The following TMEM50A variants were observed in gnomAD, a reference collection of about 807,000 sequenced individuals.
TMEM50A encodes transmembrane protein 50A.
A neutral mutation model predicts 23.9 loss-of-function variants in TMEM50A; 8 were observed. The ratio of observed to expected loss-of-function variants is 0.33; its 90% CI spans 0.20 to 0.60. The LOEUF is 0.60. Among genes scored for constraint, TMEM50A ranks in the 20% least tolerant of loss-of-function variants. The pLI, the probability that TMEM50A is intolerant of heterozygous loss-of-function variation, is 0.81. For synonymous variants in TMEM50A, 55 were observed against 60.4 expected (o/e 0.91, Z 0.41); for missense variants, 178 against 192.7 (o/e 0.92, Z 0.45).
intron 1 of TMEM50A, among the ~76,000 whole-genome samples, chr1:25,339,671 C>T (rs1645146795): frequency 6.6e-6 from 1 of 152,194 alleles, no homozygotes; most frequent in Admixed American, 6.5e-5. Context: ...TCACTTGTCT[C>T]TCTACTAATG....
chr1:25,341,668 C>T (rs1283790644), intron 2 of TMEM50A, among the ~76,000 whole-genome samples: 3 of 151,898 alleles, frequency 2.0e-5, no homozygotes, highest in Admixed American at 6.6e-5. Flanking sequence ...CATGAGCCAC[C>T]GCACCAAGCC....
At chr1:25,353,380 T>C (rs1349112766) in intron 5 of TMEM50A, among the ~76,000 whole-genome samples, 1 of 152,168 alleles carries the variant, frequency 6.6e-6, no homozygotes, top group Admixed American at 6.5e-5. Context: ...CCTCCTGGGC[T>C]CAAGCCATCC....
In TMEM50A at chr1:25,352,969, C is replaced by G; in HGVS notation, c.362C>G (p.Ala121Gly). ...SMWILFGGYV[A>G]KEKDIVYPGI... ...TGGATTCTTTTTGGAGGTTATGTTG[C>G]TAAAGGTAAGAGAAAACATAGGTTA... The change falls in exon 5 of 7, where the codon GCT becomes GGT. Residue 121 changes from alanine (A) to glycine (G), a missense_variant. Transcript: ENST00000374358. The G allele has an allele frequency of 6.2e-7, 1 of 1,612,172 alleles. No individual in the cohort carries two copies. The highest frequency in any genetic ancestry group is 8.5e-7 in the Non-Finnish European group (1 of 1,179,228).
rs200762327 is a variant in TMEM50A at position 25,361,009 on chromosome 1, A to G, written c.*304A>G. The G allele has an allele frequency of 3.7e-4, 103 of 280,266 alleles. No individual in the cohort carries two copies. Among genetic ancestry groups the G allele is most frequent in the Non-Finnish European group, 5.2e-4 (77 of 147,690 alleles). 17.4% of individuals were successfully genotyped at this position (280,266 alleles called of 1,614,324 possible). A position where few individuals can be genotyped will look rare whatever the true frequency, so the allele number is the denominator to read the frequency against. On this transcript the variant is annotated 3_prime_UTR_variant, in exon 7 of 7. Transcript: ENST00000374358. Reference sequence around the variant, plus strand: ...TACAAAAGAAATTATGGATTTGTCAATGTAAGTATTTGTCATATCTGAGGT... The same window carrying G: ...TACAAAAGAAATTATGGATTTGTCAGTGTAAGTATTTGTCATATCTGAGGT...
Position 25,362,249 on chromosome 1 carries a change from T to C in TMEM50A, c.*1544T>C. 1.5e-6 allele frequency: 1 copy of C among 655,348 alleles called. No homozygotes were observed. Among genetic ancestry groups the C allele is most frequent in the Non-Finnish European group, 2.5e-6 (1 of 395,754 alleles). The allele number at this position is 655,348 out of a possible 1,614,324, so 40.6% of individuals were successfully genotyped here. The stretch of plus-strand genomic sequence containing the variant: ...GAGAAAGAATCTTAAGAATTGTCAA[T>C]AAAATTAACCCAAAACTTTAATAAT... On this transcript the variant is annotated 3_prime_UTR_variant, in exon 7 of 7. Coordinates refer to ENST00000374358, the MANE Select transcript of TMEM50A (RefSeq NM_014313.4).
In TMEM50A at chr1:25,361,194, A is replaced by C. The variant is rs1345456696; in HGVS notation, c.*489A>C. On this transcript the variant is annotated 3_prime_UTR_variant, in exon 7 of 7. Transcript: ENST00000374358. ...ATAATTGGTATTTACTTTTACCAAA[A>C]ATTCTGTGAACATGTAATGTAACTG... is the stretch of plus-strand genomic sequence containing the variant. 1 of 156,460 alleles carries C rather than the reference A, an allele frequency of 6.4e-6. No homozygotes were observed. The highest frequency in any genetic ancestry group is 2.4e-5 in the African/African-American group (1 of 41,464). The allele number at this position is 156,460 out of a possible 1,614,324, so 9.7% of individuals were successfully genotyped here.
chr1:25,359,521 AT>A (rs1436004773), intron 6 of TMEM50A, among the ~76,000 whole-genome samples: 2 of 150,868 alleles, frequency 1.3e-5, no homozygotes, highest in African/African-American at 4.9e-5. Flanking sequence ...AAAAAAAAAA[AT>A]CACAAAATAA....
At chr1:25,343,546 A>G (rs1360510108) in intron 3 of TMEM50A, among the ~76,000 whole-genome samples, 1 of 152,150 alleles carries the variant, frequency 6.6e-6, no homozygotes, top group African/African-American at 2.4e-5. Context: ...GGATGTCAAT[A>G]GGAGGGATAG....
At chr1:25,356,726 T>C in intron 5 of TMEM50A, 67 bp from the exon 6 acceptor site, 1 of 1,203,948 alleles carries the variant, frequency 8.3e-7, no homozygotes, top group South Asian at 1.4e-5. Context: ...AACTGGTATT[T>C]GCCAATATAT....
intron 3 of TMEM50A, among the ~76,000 whole-genome samples, chr1:25,348,395 A>T (rs545891866): frequency 4.1e-4 from 63 of 152,292 alleles, no homozygotes; most frequent in African/African-American, 1.5e-3. Context: ...AATTTTAAAA[A>T]TGTAGGGTAG....
chr1:25,357,803 A>AT (rs1371168379), intron 6 of TMEM50A, among the ~76,000 whole-genome samples: 19 of 147,488 alleles, frequency 1.3e-4, no homozygotes, highest in East Asian at 4.0e-4. Flanking sequence ...ACGCCTGGCT[A>AT]TTTTTTTTGT....
intron 3 of TMEM50A, among the ~76,000 whole-genome samples, chr1:25,350,342 CTT>C (rs1256766213): frequency 1.3e-5 from 2 of 152,094 alleles, no homozygotes; most frequent in Non-Finnish European, 2.9e-5. Flanking sequence ...GCAAAATTAT[CTT>C]TTTACCTGTT....
intron 1 of TMEM50A, chr1:25,338,678 G>A (rs2124226119): frequency 6.6e-6 from 1 of 152,354 alleles, no homozygotes; most frequent in South Asian, 2.1e-4. Context: ...AAGACGGAGA[G>A]GGGACCGCGC....
Position 25,359,963 on chromosome 1 carries a change from G to A in TMEM50A, c.429-697G>A, listed in dbSNP as rs910741781. 1.2e-4 allele frequency among the ~76,000 whole-genome samples: 18 copies of A among 152,194 alleles called. No homozygotes were observed. In the East Asian group the frequency reaches 3.1e-3, roughly 26 times the overall value. On this transcript the variant is annotated intron_variant, in intron 6 of 6. Coordinates refer to ENST00000374358, the MANE Select transcript of TMEM50A (RefSeq NM_014313.4). ...ACCACCCCCACACTTACCACATCAC[G>A]TTAGCAAGAATGAGAGCAATTTGAG...
At position 25,362,032 on chromosome 1, in the gene TMEM50A, G is replaced by C; in HGVS notation, c.*1327G>C. 1 of 248,746 alleles carries C rather than the reference G, an allele frequency of 4.0e-6. No homozygotes were observed. Among genetic ancestry groups the C allele is most frequent in the Non-Finnish European group, 7.9e-6 (1 of 127,186 alleles). 15.4% of individuals were successfully genotyped at this position (248,746 alleles called of 1,614,324 possible). On this transcript the variant is annotated 3_prime_UTR_variant, in exon 7 of 7. Coordinates refer to ENST00000374358, the MANE Select transcript of TMEM50A (RefSeq NM_014313.4). ...CAGTGCATCCCCCCACCCTACAACT[G>C]AGCACAACCTCTTTCCCCACAGTGC... is the stretch of plus-strand genomic sequence containing the variant.
intron 3 of TMEM50A, among the ~76,000 whole-genome samples, chr1:25,348,396 T>G (rs988273983): frequency 3.9e-5 from 6 of 152,154 alleles, no homozygotes; most frequent in Admixed American, 1.3e-4. Flanking sequence ...ATTTTAAAAA[T>G]GTAGGGTAGG....
chr1:25,344,562 T>G (rs1475216986), intron 3 of TMEM50A, among the ~76,000 whole-genome samples: 1 of 152,042 alleles, frequency 6.6e-6, no homozygotes. Context: ...TCTTCTTTAA[T>G]TAAGACGAGG....
chr1:25,356,721 G>T, intron 5 of TMEM50A, 72 bp from the exon 6 acceptor site: 2 of 1,134,002 alleles, frequency 1.8e-6, no homozygotes, highest in Non-Finnish European at 2.5e-6. Flanking sequence ...AGGAAAACTG[G>T]TATTTGCCAA....
At chr1:25,348,000 TG>T (rs773789282) in intron 3 of TMEM50A, among the ~76,000 whole-genome samples, 28 of 152,266 alleles carry the variant, frequency 1.8e-4, no homozygotes, top group Admixed American at 4.6e-4. Flanking sequence ...AAAATTATTT[TG>T]TTCCATTTTG....
Sources: allele counts gnomAD v4.1 joint callset (sites outside exome capture counted in the v4.1 genomes callset), GRCh38; gene constraint gnomAD v4.1.1; transcripts MANE v1.5; gene names NCBI Gene and HGNC (gene_info 2026-07-23, HGNC 2026-07-21).